The following TRPM4 variants were observed in gnomAD, a reference collection of about 807,000 sequenced individuals.
TRPM4 encodes the protein calcium-activated non-selective cation channel 1.
A neutral mutation model predicts 135.6 loss-of-function variants in TRPM4; 124 were observed. The observed-to-expected ratio is 0.91, with a 90% CI of 0.79 to 1.06. The LOEUF (loss-of-function observed/expected upper bound fraction) is 1.06, where lower values mean the gene tolerates loss of function less well. TRPM4 is among the 50% of genes least tolerant of loss of function. TRPM4 has a pLI of 0.00. For synonymous variants in TRPM4, 745 were observed against 705.6 expected (o/e 1.06, Z -0.88); for missense variants, 1,658 against 1,671.4 (o/e 0.99, Z 0.14).
chr19:49,158,303 C>T (rs761454613), intron 2 of TRPM4, 44 bp downstream of exon 2: 24 of 1,577,848 alleles, frequency 1.5e-5, no homozygotes, highest in Admixed American at 1.2e-4. Flanking sequence ...GTCCGCGGCC[C>T]GCTGACCCCG....
chr19:49,200,532 A>T lies in TRPM4; in HGVS notation c.2779-79A>T. ...AGAAGGGGCGTGACTTTGGGGAGCA[A>T]TGGGGCGTGTTTTTGGGATATAGGG... On this transcript the variant is annotated intron_variant, in intron 18 of 24. Coordinates refer to ENST00000252826, the MANE Select transcript of TRPM4 (RefSeq NM_017636.4). The T allele has an allele frequency of 1.9e-6, 3 of 1,578,620 alleles. No individual in the cohort carries two copies. The South Asian group carries it at 3.4e-5, about 18-fold the overall frequency.
intron 2 of TRPM4, among the ~76,000 whole-genome samples, chr19:49,165,276 C>T (rs567923744): frequency 6.6e-6 from 1 of 152,290 alleles, no homozygotes; most frequent in East Asian, 1.9e-4. Context: ...CGCTAGATGG[C>T]TGTTGCCAGC....
rs59760626 is a variant in TRPM4 at position 49,197,473 on chromosome 19, CTCCTTCCT to C, written c.2645+634_2645+641del. ...GTCCTCTGCCCCTCTGCCTCCCTCC[CTCCTTCCT>C]TCCTTCCTTCCTTCCTTCCTTCCTT... On this transcript the variant is annotated intron_variant, in intron 17 of 24. Coordinates refer to ENST00000252826, the MANE Select transcript of TRPM4 (RefSeq NM_017636.4). 5.6e-3 allele frequency among the ~76,000 whole-genome samples: 640 copies of C among 114,924 alleles called. 7 individuals are homozygous for C. Among genetic ancestry groups the C allele is most frequent in the South Asian group, 0.031 (99 of 3,156 alleles). The allele number at this position is 114,924 out of a possible 152,430, so 75.4% of individuals were successfully genotyped here. A position where few individuals can be genotyped will look rare whatever the true frequency, so the allele number is the denominator to read the frequency against.
intron 12 of TRPM4, among the ~76,000 whole-genome samples, chr19:49,187,196 T>TG (rs111971052): frequency 9.4e-6 from 1 of 105,962 alleles, no homozygotes; most frequent in African/African-American, 6.1e-5. Flanking sequence ...CATTTTCTTG[T>TG]TTTTTTTTTT....
chr19:49,166,263 G>GCT (rs1392338784), intron 3 of TRPM4, 48 bp downstream of exon 3: 1 of 1,537,180 alleles, frequency 6.5e-7, no homozygotes, highest in Admixed American at 2.0e-5. Context: ...GGGGCTGCAT[G>GCT]CTCGGGGCTC....
rs1473114551 is a variant in TRPM4 at position 49,171,063 on chromosome 19, C to G, written c.797-294C>G. On this transcript the variant is annotated intron_variant, in intron 6 of 24. Transcript: ENST00000252826. The surrounding 1 kb of genome is among the most constrained non-coding windows in gnomAD (Gnocchi z 4.7). ...TGGGCGATAGAGTGACACCCTGTTT[C>G]AGAAATTAGGCTGATGCGGTGGCTC... 1.3e-5 allele frequency among the ~76,000 whole-genome samples: 2 copies of G among 151,906 alleles called. No homozygotes were observed. The highest frequency in any genetic ancestry group is 3.9e-4 in the East Asian group (2 of 5,132).
chr19:49,183,127 G>A lies in TRPM4; in HGVS notation c.1658G>A (p.Gly553Asp). ...ACCTCGCCGCTCTCGCTGGATGCTG[G>A]CCTCGGGCAGGCCCCCTGGAGCGAC... ...KATSPLSLDA[G>D]LGQAPWSDLL... The change falls in exon 12 of 25, where the codon GGC becomes GAC. Residue 553 changes from glycine to aspartate, a missense_variant. Gly to Asp is a moderately conservative substitution (Grantham distance 94). Coordinates refer to ENST00000252826, the MANE Select transcript of TRPM4 (RefSeq NM_017636.4). 1 of 1,613,890 alleles carries A rather than the reference G, an allele frequency of 6.2e-7. No homozygotes were observed. Among genetic ancestry groups the A allele is most frequent in the Non-Finnish European group, 8.5e-7 (1 of 1,180,020 alleles).
chr19:49,174,541 G>T (rs989756031), intron 9 of TRPM4, among the ~76,000 whole-genome samples: 1 of 151,890 alleles, frequency 6.6e-6, no homozygotes, highest in Non-Finnish European at 1.5e-5. Context: ...AGGGAAGATC[G>T]CTTGAGCCCA....
chr19:49,183,246 C>G (rs780673995), intron 12 of TRPM4, 34 bp downstream of exon 12: 1 of 1,613,534 alleles, frequency 6.2e-7, no homozygotes, highest in Non-Finnish European at 8.5e-7. Context: ...GCATCCCTGT[C>G]CTTTAGGCCA....
At chr19:49,165,396 A>G (rs1333598145) in intron 2 of TRPM4, among the ~76,000 whole-genome samples, 1 of 152,186 alleles carries the variant, frequency 6.6e-6, no homozygotes, top group African/African-American at 2.4e-5. Context: ...GACAGTCGTC[A>G]GGAGAACTGA....
At chr19:49,177,489 G>A (rs909127849) in intron 9 of TRPM4, among the ~76,000 whole-genome samples, 2 of 151,866 alleles carry the variant, frequency 1.3e-5, no homozygotes, top group African/African-American at 4.8e-5. Context: ...CACTATGCCT[G>A]GCTAATGTTT....
At chr19:49,194,671 C>CCCTCCCTA (rs1308046315) in intron 16 of TRPM4, among the ~76,000 whole-genome samples, 2 of 127,654 alleles carry the variant, frequency 1.6e-5, no homozygotes, top group African/African-American at 5.9e-5. Flanking sequence ...GTCCCTCCCT[C>CCCTCCCTA]CCTTCCTTCC....
chr19:49,178,845 A>G (rs1967804485), intron 9 of TRPM4, among the ~76,000 whole-genome samples: 1 of 151,404 alleles, frequency 6.6e-6, no homozygotes, highest in Non-Finnish European at 1.5e-5. Context: ...TACAAGCTCC[A>G]CCTCCCAGGT....
chr19:49,193,940 C>T (rs1968514048), intron 16 of TRPM4, among the ~76,000 whole-genome samples: 1 of 151,064 alleles, frequency 6.6e-6, no homozygotes, highest in Admixed American at 6.6e-5. Context: ...TCTTCATCCT[C>T]CTCCTCCTTC....
In TRPM4 at chr19:49,210,375, C is replaced by CA; in HGVS notation, c.3299dup (p.Pro1101AlafsTer15). 6.2e-7 allele frequency: 1 copy of CA among 1,614,060 alleles called. No homozygotes were observed. Among genetic ancestry groups the CA allele is most frequent in the South Asian group, 1.1e-5 (1 of 91,084 alleles). On this transcript the variant is annotated frameshift_variant, in exon 21 of 25. Coordinates refer to ENST00000252826, the MANE Select transcript of TRPM4 (RefSeq NM_017636.4). LOFTEE classifies it high-confidence loss of function. This position sits in a 1 kb window ranked among gnomAD's most constrained non-coding sequence, Gnocchi z 4.1. Reference sequence around the variant, plus strand: ...ATTGTGCAGGCGACCCCGGAGCCCCCAGCCGTCCTCCCCGGCCCTCGAGCA... The same window carrying CA: ...ATTGTGCAGGCGACCCCGGAGCCCCCAAGCCGTCCTCCCCGGCCCTCGAGCA...
chr19:49,182,622 C>T lies in TRPM4; in HGVS notation c.1308C>T (p.Asp436=). The change falls in exon 11 of 25, where the codon GAC becomes GAT. Residue 436 remains aspartate (D), a synonymous_variant. Transcript: ENST00000252826. ...CCCTCATGGACGCCCTGCTGAATGA[C>T]CGGCCTGAGTTCGTGCGCTTGCTCA... ...EASLMDALLN[D]RPEFVRLLIS... is the part of the protein sequence containing the mutation. 1 of 1,614,160 alleles carries T rather than the reference C, an allele frequency of 6.2e-7. No homozygotes were observed. Among genetic ancestry groups the T allele is most frequent in the Admixed American group, 1.7e-5 (1 of 60,028 alleles).
chr19:49,171,479 G>A lies in TRPM4; in HGVS notation c.858+61G>A. ...GGAGGGTTGGGGGCCAGGACTCCTG[G>A]GTCCTGAGTCTTAGGGAGGGTCTGG... On this transcript the variant is annotated intron_variant, in intron 7 of 24. Coordinates refer to ENST00000252826, the MANE Select transcript of TRPM4 (RefSeq NM_017636.4). The surrounding 1 kb of genome is among the most constrained non-coding windows in gnomAD (Gnocchi z 4.7). 2 of 1,610,802 alleles carry A rather than the reference G, an allele frequency of 1.2e-6. No homozygotes were observed. Among genetic ancestry groups the A allele is most frequent in the Non-Finnish European group, 1.7e-6 (2 of 1,177,154 alleles).
At chr19:49,181,530 CTTTTTTTTTT>C (rs35727661) in intron 10 of TRPM4, 69 bp downstream of exon 10, 13,678 of 518,750 alleles carry the variant, frequency 0.026, 148 homozygotes, top group South Asian at 0.034. Flanking sequence ...TCTCTGCCTT[CTTTTTTTTTT>C]TTTTTTTTTT....
In TRPM4 at chr19:49,211,083, G is replaced by C; in HGVS notation, c.3530G>C (p.Arg1177Pro). 6.2e-7 allele frequency: 1 copy of C among 1,614,010 alleles called. No homozygotes were observed. The highest frequency in any genetic ancestry group is 8.5e-7 in the Non-Finnish European group (1 of 1,179,936). ...GAACAGCGCCTGAAAGTGCTGGAGC[G>C]GGAGGTGAGGCCTTGGGGCCTGGCT... ...EYEQRLKVLE[R>P]EVQQCSRVLG... is the part of the protein sequence containing the mutation. The change falls in exon 23 of 25, where the codon CGG becomes CCG. Residue 1177 changes from arginine to proline, a missense_variant. By Grantham distance (103) the Arg-to-Pro change is moderately radical (BLOSUM62 -2). This residue lies in a region of TRPM4 where 1,412 missense variants were observed against 1,408.7 expected (regional missense o/e 1.00). Transcript: ENST00000252826. The surrounding 1 kb of genome is among the most constrained non-coding windows in gnomAD (Gnocchi z 4.8).
Sources: gnomAD v4.1 joint callset for allele counts (sites outside exome capture counted in the v4.1 genomes callset) on GRCh38, gnomAD v4.1.1 for gene constraint, gnomAD v4.1.1 regional missense constraint, Gnocchi (gnomAD v3.1) non-coding constraint, MANE v1.5 for transcripts, NCBI Gene and HGNC (gene_info 2026-07-23, HGNC 2026-07-21) for gene names.